Variants in SLC24A2 observed in about 807,000 individuals in gnomAD.
The protein encoded by SLC24A2 is sodium/potassium/calcium exchanger 2.
SLC24A2 carries 36 observed loss-of-function variants against 62.0 expected under a neutral mutation model. The observed-to-expected ratio is 0.58, with a 90% CI of 0.44 to 0.77. The LOEUF (loss-of-function observed/expected upper bound fraction) is 0.77, where lower values mean the gene tolerates loss of function less well. Among genes scored for constraint, SLC24A2 ranks in the 30% least tolerant of loss-of-function variants. SLC24A2 has a pLI of 0.00. For synonymous variants in SLC24A2, 358 were observed against 294.0 expected (o/e 1.22, Z -2.23); for missense variants, 846 against 817.9 (o/e 1.03, Z -0.42).
chr9:19,740,415 T>G (rs1821639066), intron 2 of SLC24A2, among the ~76,000 whole-genome samples: 2 of 152,320 alleles, frequency 1.3e-5, no homozygotes, highest in Non-Finnish European at 2.9e-5. Context: ...AAACTATGGC[T>G]ATATGCAACA....
At chr9:19,787,064 G>A (rs577267895) in intron 1 of SLC24A2, 45 bp from the exon 2 acceptor site, 46 of 1,325,772 alleles carry the variant, frequency 3.5e-5, no homozygotes, top group East Asian at 7.9e-5. Flanking sequence ...ATAAAATCAC[G>A]TCTTTTTAAT....
At chr9:19,636,297 T>TCC in intron 2 of SLC24A2, among the ~76,000 whole-genome samples, 3 of 41,534 alleles carry the variant, frequency 7.2e-5, no homozygotes, top group African/African-American at 2.8e-4. Flanking sequence ...TTCTTTTCTT[T>TCC]TCTTTTCTTT....
chr9:20,162,136 T>C, the SLC24A2 span, among the ~76,000 whole-genome samples: 37 of 151,838 alleles, frequency 2.4e-4, no homozygotes, highest in African/African-American at 8.7e-4. Flanking sequence ...GAACCTGTAG[T>C]CTCAGGTATT....
At chr9:19,694,461 A>C (rs904532127) in intron 2 of SLC24A2, among the ~76,000 whole-genome samples, 1 of 152,270 alleles carries the variant, frequency 6.6e-6, no homozygotes, top group South Asian at 2.1e-4. Context: ...AGGACTTATA[A>C]TTTATTTTAC....
At chr9:19,920,333 G>C in the SLC24A2 span, among the ~76,000 whole-genome samples, 1 of 152,064 alleles carries the variant, frequency 6.6e-6, no homozygotes. Context: ...GTTAGTTTTT[G>C]GACAATTTTC....
At chr9:19,613,486 A>G (rs941342005) in intron 4 of SLC24A2, among the ~76,000 whole-genome samples, 10 of 152,034 alleles carry the variant, frequency 6.6e-5, no homozygotes, top group African/African-American at 2.2e-4. Context: ...TTTTTTCTCT[A>G]CGCTCCTCTT....
chr9:19,686,101 G>A (rs936695293), intron 2 of SLC24A2, among the ~76,000 whole-genome samples: 1 of 151,994 alleles, frequency 6.6e-6, no homozygotes, highest in Non-Finnish European at 1.5e-5. Context: ...GTGGGCAAAG[G>A]ACATGAACAG....
chr9:19,896,161 T>A, the SLC24A2 span, among the ~76,000 whole-genome samples: 2 of 152,136 alleles, frequency 1.3e-5, no homozygotes, highest in Non-Finnish European at 2.9e-5. Context: ...AACGTTTTGC[T>A]CGGAAGGCAA....
chr9:20,020,518 C>T, the SLC24A2 span, among the ~76,000 whole-genome samples: 1 of 151,912 alleles, frequency 6.6e-6, no homozygotes, highest in Admixed American at 6.6e-5. Context: ...GGGAGTGGAA[C>T]AATGAGAACA....
At chr9:19,636,288 T>TTC (rs1564009453) in intron 2 of SLC24A2, among the ~76,000 whole-genome samples, 29 of 38,418 alleles carry the variant, frequency 7.5e-4, no homozygotes, top group African/African-American at 2.7e-3. Context: ...CTTCTTCTCT[T>TTC]CTTTTCTTTT....
intron 2 of SLC24A2, among the ~76,000 whole-genome samples, chr9:19,777,557 T>C (rs967196288): frequency 1.3e-5 from 2 of 152,162 alleles, no homozygotes; most frequent in Non-Finnish European, 2.9e-5. Flanking sequence ...GTAAATAGCA[T>C]TTTAGAAAAA....
At chr9:20,185,386 C>T in the SLC24A2 span, among the ~76,000 whole-genome samples, 35 of 151,814 alleles carry the variant, frequency 2.3e-4, no homozygotes, top group Non-Finnish European at 4.4e-4. Flanking sequence ...AAAAAACAGG[C>T]CAGGCATCGC....
the SLC24A2 span, among the ~76,000 whole-genome samples, chr9:19,902,328 A>G: frequency 6.6e-6 from 1 of 152,326 alleles, no homozygotes; most frequent in Admixed American, 6.5e-5. Flanking sequence ...TACAAGACTG[A>G]GTAAGAATTT....
chr9:20,218,767 G>A, the SLC24A2 span, among the ~76,000 whole-genome samples: 1 of 152,056 alleles, frequency 6.6e-6, no homozygotes, highest in Non-Finnish European at 1.5e-5. Context: ...CACAAATTTA[G>A]CAGCTTCAAT....
intron 7 of SLC24A2, among the ~76,000 whole-genome samples, chr9:19,567,762 G>C (rs77962846): frequency 0.025 from 3,703 of 150,952 alleles, 160 homozygotes; most frequent in African/African-American, 0.084. Flanking sequence ...CTCAGTGTTG[G>C]AATCAACAAC....
chr9:20,069,056 G>A, the SLC24A2 span, among the ~76,000 whole-genome samples: 1 of 49,990 alleles, frequency 2.0e-5, no homozygotes, highest in Non-Finnish European at 3.7e-5. Context: ...AACTACTCTT[G>A]TTTTTCCTAC....
the SLC24A2 span, among the ~76,000 whole-genome samples, chr9:20,096,041 G>C: frequency 6.6e-6 from 1 of 152,078 alleles, no homozygotes; most frequent in Non-Finnish European, 1.5e-5. Context: ...ATGAGATGTA[G>C]GTGGGAACAC....
At chr9:20,166,693 A>C in the SLC24A2 span, among the ~76,000 whole-genome samples, 1 of 152,118 alleles carries the variant, frequency 6.6e-6, no homozygotes, top group Admixed American at 6.6e-5. Flanking sequence ...CAGGGATAAA[A>C]GGAATAGTAG....
the SLC24A2 span, among the ~76,000 whole-genome samples, chr9:19,831,053 A>G: frequency 1.3e-5 from 2 of 152,090 alleles, no homozygotes; most frequent in Non-Finnish European, 2.9e-5. Context: ...AAGGCAAAAG[A>G]ATGCCTCCTT....
Sources: gnomAD v4.1 joint callset for allele counts (sites outside exome capture counted in the v4.1 genomes callset) on GRCh38, gnomAD v4.1.1 for gene constraint, MANE v1.5 for transcripts, NCBI Gene and HGNC (gene_info 2026-07-23, HGNC 2026-07-21) for gene names.